NIBAN1: variants seen among roughly 807,000 people sequenced by gnomAD.
NIBAN1 encodes the protein niban apoptosis regulator 1.
Under a neutral mutation model 75.1 loss-of-function variants are expected in NIBAN1, and 81 were observed. The ratio of observed to expected loss-of-function variants is 1.08; its 90% CI spans 0.90 to 1.30. NIBAN1 has a LOEUF of 1.30. NIBAN1 is among the 50% of genes most tolerant of loss of function. NIBAN1 has a pLI of 0.00. For synonymous variants in NIBAN1, 436 were observed against 424.8 expected, an observed-to-expected ratio of 1.03 and a Z score of -0.32; for missense variants, 1,133 against 1,128.1, an observed-to-expected ratio of 1.00 and a Z score of -0.06.
chr1:184,901,822 C>G (rs1656964051), intron 1 of NIBAN1, among the ~76,000 whole-genome samples: 1 of 152,200 alleles, frequency 6.6e-6, no homozygotes, highest in Non-Finnish European at 1.5e-5. Context: ...ATTTGAATAT[C>G]TGCATACTGT....
At chr1:184,923,753 T>G (rs1657615885) in intron 1 of NIBAN1, among the ~76,000 whole-genome samples, 1 of 152,202 alleles carries the variant, frequency 6.6e-6, no homozygotes, top group Admixed American at 6.5e-5. Context: ...CTTTCATCAG[T>G]GTTTTATAGT....
chr1:184,803,962 A>T (rs949429573), intron 11 of NIBAN1, among the ~76,000 whole-genome samples: 3 of 152,224 alleles, frequency 2.0e-5, no homozygotes, highest in Non-Finnish European at 4.4e-5. Flanking sequence ...ATTATAAAGA[A>T]GTTGGGGATA....
intron 1 of NIBAN1, among the ~76,000 whole-genome samples, chr1:184,933,474 A>G (rs1657877559): frequency 6.6e-6 from 1 of 152,152 alleles, no homozygotes; most frequent in Non-Finnish European, 1.5e-5. Flanking sequence ...TCTCTGACCA[A>G]TCCCCTACTA....
intron 5 of NIBAN1, among the ~76,000 whole-genome samples, 193 bp from the exon 6 acceptor site, chr1:184,832,155 C>T (rs370492848): frequency 2.0e-5 from 3 of 152,184 alleles, no homozygotes; most frequent in Admixed American, 6.5e-5. Flanking sequence ...ACTTGTTCAT[C>T]GTCCTAGCTG....
chr1:184,826,654 A>G (rs564069949), intron 6 of NIBAN1, among the ~76,000 whole-genome samples: 1 of 152,256 alleles, frequency 6.6e-6, no homozygotes, highest in Non-Finnish European at 1.5e-5. Context: ...TCAGAATTTT[A>G]GCATAAGTGT....
In NIBAN1 at chr1:184,791,738, G is replaced by C. The variant is rs1481863222; in HGVS notation, c.*3239C>G. 1 of 151,986 alleles carries C rather than the reference G, an allele frequency of 6.6e-6. No individual in the cohort carries two copies. Among genetic ancestry groups the C allele is most frequent in the African/African-American group, 2.4e-5 (1 of 41,360 alleles). The allele number at this position is 151,986 out of a possible 1,614,324, so 9.4% of individuals were successfully genotyped here. On this transcript the variant is annotated 3_prime_UTR_variant, in exon 14 of 14. Transcript: ENST00000367511. Reference sequence around the variant, plus strand: ...GAGATACCCAGAGTGGCAAACAGAGGCTAAGGAAAAAAATGCTGTTCATTT... The same window carrying C: ...GAGATACCCAGAGTGGCAAACAGAGCCTAAGGAAAAAAATGCTGTTCATTT...
intron 1 of NIBAN1, among the ~76,000 whole-genome samples, chr1:184,904,745 G>C (rs1238396199): frequency 2.0e-5 from 3 of 152,166 alleles, no homozygotes; most frequent in Admixed American, 1.3e-4. Flanking sequence ...GAGGTCAAGA[G>C]TTCAAGACCA....
chr1:184,942,753 C>G (rs539098728), intron 1 of NIBAN1, among the ~76,000 whole-genome samples: 2 of 151,744 alleles, frequency 1.3e-5, no homozygotes, highest in South Asian at 4.2e-4. Context: ...GCTGATGTGC[C>G]TACCTAACTG....
chr1:184,845,767 G>A (rs1475198783), intron 5 of NIBAN1, among the ~76,000 whole-genome samples: 1 of 85,516 alleles, frequency 1.2e-5, no homozygotes, highest in African/African-American at 5.6e-5. Context: ...GTGTGTGTGC[G>A]CACCGTGCGC....
intron 5 of NIBAN1, among the ~76,000 whole-genome samples, chr1:184,870,081 G>A (rs1190219019): frequency 1.3e-5 from 2 of 152,128 alleles, no homozygotes; most frequent in Non-Finnish European, 2.9e-5. Flanking sequence ...CTAATTCGTA[G>A]GTCTGGAATA....
intron 5 of NIBAN1, among the ~76,000 whole-genome samples, chr1:184,862,410 G>A (rs970311863): frequency 2.0e-5 from 3 of 151,972 alleles, no homozygotes; most frequent in African/African-American, 7.3e-5. Flanking sequence ...TTGAATTCCT[G>A]GGCTCAAGCG....
At chr1:184,943,816 G>A (rs541938572) in intron 1 of NIBAN1, among the ~76,000 whole-genome samples, 239 of 152,238 alleles carry the variant, frequency 1.6e-3, no homozygotes, top group African/African-American at 5.5e-3. Context: ...TCTTTATTAA[G>A]TTCTAAGTTT....
At chr1:184,817,562 A>G (rs1245973526) in intron 9 of NIBAN1, among the ~76,000 whole-genome samples, 1 of 152,200 alleles carries the variant, frequency 6.6e-6, no homozygotes, top group Non-Finnish European at 1.5e-5. Context: ...AATGATTGCC[A>G]TTCTAACTGG....
chr1:184,822,537 C>T (rs1180558481), intron 8 of NIBAN1, among the ~76,000 whole-genome samples: 1 of 152,150 alleles, frequency 6.6e-6, no homozygotes. Flanking sequence ...CTTCAGTTTG[C>T]CAATCCCACT....
At chr1:184,942,919 C>T (rs956490175) in intron 1 of NIBAN1, among the ~76,000 whole-genome samples, 1 of 152,104 alleles carries the variant, frequency 6.6e-6, no homozygotes, top group Non-Finnish European at 1.5e-5. Flanking sequence ...CCATAAAAAT[C>T]CTCAATTATT....
rs1032222583 is a variant in NIBAN1, at chr1:184,795,907, G to A, written c.1857C>T (p.Phe619=). 1.3e-5 allele frequency: 21 copies of A among 1,613,958 alleles called. No homozygotes were observed. The African/African-American group carries it at 2.4e-4, about 18-fold the overall frequency. ...LGSETLSNEV[F]QESEEEKQPE... Reference sequence around the variant, plus strand: ...GCTGCTTCTCTTCCTCTGACTCCTGGAATACTTCGTTACTGAGGGTCTCAC... The same window carrying A: ...GCTGCTTCTCTTCCTCTGACTCCTGAAATACTTCGTTACTGAGGGTCTCAC... The change falls in exon 14 of 14, where the codon TTC becomes TTT. Residue 619 remains phenylalanine, a synonymous_variant. Coordinates refer to ENST00000367511, the MANE Select transcript of NIBAN1 (RefSeq NM_052966.4).
At chr1:184,889,962 G>A (rs928598146) in intron 4 of NIBAN1, 146 bp downstream of exon 4, 37 of 646,242 alleles carry the variant, frequency 5.7e-5, no homozygotes, top group East Asian at 2.7e-4. Flanking sequence ...ATAGCACCCC[G>A]ATTCCAATTG....
intron 1 of NIBAN1, among the ~76,000 whole-genome samples, chr1:184,959,067 T>C (rs1658562229): frequency 6.6e-6 from 1 of 152,240 alleles, no homozygotes; most frequent in African/African-American, 2.4e-5. Context: ...ACTTGTTCTG[T>C]GTGCGAACCA....
chr1:184,932,654 G>A (rs1452271310), intron 1 of NIBAN1, among the ~76,000 whole-genome samples: 1 of 152,140 alleles, frequency 6.6e-6, no homozygotes, highest in Non-Finnish European at 1.5e-5. Context: ...TCCTGGTCTA[G>A]AACACATGGA....
Sources: allele counts gnomAD v4.1 joint callset (sites outside exome capture counted in the v4.1 genomes callset), GRCh38; gene constraint gnomAD v4.1.1; transcripts MANE v1.5; gene names NCBI Gene and HGNC (gene_info 2026-07-23, HGNC 2026-07-21).